The following TRA2B variants were observed in gnomAD, a reference collection of about 807,000 sequenced individuals.
TRA2B encodes the protein transformer-2 protein homolog beta.
TRA2B carries 14 observed loss-of-function variants against 41.7 expected under a neutral mutation model. That is an observed-to-expected ratio of 0.34 (90% CI 0.22 to 0.53). The LOEUF (loss-of-function observed/expected upper bound fraction) is 0.53, where lower values mean the gene tolerates loss of function less well. Among genes scored for constraint, TRA2B ranks in the 20% least tolerant of loss-of-function variants. The pLI is 0.95. For synonymous variants in TRA2B, 130 were observed against 128.8 expected (o/e 1.01, Z -0.06); for missense variants, 167 against 396.8 (o/e 0.42, Z 4.92).
chr3:185,922,230 G>GT, intron 4 of TRA2B, 104 bp from the exon 5 acceptor site: 1 of 705,018 alleles, frequency 1.4e-6, no homozygotes, highest in Non-Finnish European at 2.3e-6. Flanking sequence ...GGTGCATTAA[G>GT]TTATCTTAAT....
Position 185,923,990 on chromosome 3 carries a change from G to GAAA in TRA2B, c.334-9_334-7dup. On this transcript the variant is annotated splice_region_variant and splice_polypyrimidine_tract_variant and intron_variant, in intron 3 of 8. Coordinates refer to ENST00000453386, the MANE Select transcript of TRA2B (RefSeq NM_004593.3). Reference sequence around the variant, plus strand: ...CAGTTAGGATCAGGATTTGCCTAGGGAAAAAAAAAAGTTTTAAACTTTGGA... The same window carrying GAAA: ...CAGTTAGGATCAGGATTTGCCTAGGGAAAAAAAAAAAAAGTTTTAAACTTTGGA... 1 of 1,482,362 alleles carries GAAA rather than the reference G, an allele frequency of 6.7e-7. No individual in the cohort carries two copies. Among genetic ancestry groups the GAAA allele is most frequent in the Non-Finnish European group, 9.1e-7 (1 of 1,101,348 alleles). 91.8% of individuals were successfully genotyped at this position (1,482,362 alleles called of 1,614,324 possible).
At chr3:185,929,518 G>GA (rs1744071235) in intron 1 of TRA2B, among the ~76,000 whole-genome samples, 1 of 152,036 alleles carries the variant, frequency 6.6e-6, no homozygotes, top group African/African-American at 2.4e-5. Flanking sequence ...AAATTTCCCT[G>GA]AAAAAATGCT....
intron 1 of TRA2B, chr3:185,936,754 C>G: frequency 1.0e-6 from 1 of 985,090 alleles, no homozygotes; most frequent in Non-Finnish European, 1.2e-6. Context: ...TATCACCCTT[C>G]TAACAGATTC....
At chr3:185,936,403 G>C (rs1474965443) in intron 1 of TRA2B, 1 of 985,128 alleles carries the variant, frequency 1.0e-6, no homozygotes. Flanking sequence ...AATCGGCTTC[G>C]GGAAAAACAT....
At chr3:185,928,220 A>G in intron 1 of TRA2B, 1 of 152,222 alleles carries the variant, frequency 6.6e-6, no homozygotes, top group East Asian at 1.9e-4. Flanking sequence ...CACAGAATAG[A>G]CAAATTAAGG....
rs907963954 is a variant in TRA2B at position 185,931,942 on chromosome 3, T to C, written c.37-5208A>G. On this transcript the variant is annotated intron_variant, in intron 1 of 8. Coordinates refer to ENST00000453386, the MANE Select transcript of TRA2B (RefSeq NM_004593.3). The stretch of plus-strand genomic sequence containing the variant: ...CTGAAACTAGAAAAAAAAAATCCCT[T>C]TGTTGATTTGGATTAAAAAAAAAAA... 5.1e-6 allele frequency: 5 copies of C among 974,546 alleles called. No individual in the cohort carries two copies. In the African/African-American group the frequency reaches 5.3e-5, roughly 10 times the overall value. The allele number at this position is 974,546 out of a possible 1,614,324, so 60.4% of individuals were successfully genotyped here. A position where few individuals can be genotyped will look rare whatever the true frequency, so the allele number is the denominator to read the frequency against.
intron 2 of TRA2B, 87 bp from the exon 3 acceptor site, chr3:185,925,713 G>T: frequency 7.3e-7 from 1 of 1,365,842 alleles, no homozygotes; most frequent in Non-Finnish European, 9.8e-7. Flanking sequence ...CTCCAAAAGA[G>T]GGAACAATCC....
At position 185,937,966 on chromosome 3, in the gene TRA2B, C is replaced by A. The variant is rs1744438593; in HGVS notation, c.-106G>T. ...GCAGCCCCGCACGACGCGCCGGTCG[C>A]CCAGCCGCTCAGAGCCGAAATGCTC... On this transcript the variant is annotated 5_prime_UTR_variant, in exon 1 of 9. Transcript: ENST00000453386. 7.1e-7 allele frequency: 1 copy of A among 1,414,732 alleles called. No homozygotes were observed. Among genetic ancestry groups the A allele is most frequent in the South Asian group, 1.2e-5 (1 of 84,664 alleles). 87.6% of individuals were successfully genotyped at this position (1,414,732 alleles called of 1,614,324 possible).
chr3:185,936,080 A>T (rs1399204740), intron 1 of TRA2B: 1 of 985,312 alleles, frequency 1.0e-6, no homozygotes, highest in Admixed American at 6.1e-5. Flanking sequence ...AAAATATACT[A>T]ATGAACTCTG....
rs538781809 is a variant in TRA2B, at chr3:185,938,012, T to G, written c.-152A>C. The G allele has an allele frequency of 2.3e-5, 19 of 829,726 alleles. No homozygotes were observed. The highest frequency in any genetic ancestry group is 1.5e-4 in the South Asian group (9 of 61,856). 51.4% of individuals were successfully genotyped at this position (829,726 alleles called of 1,614,324 possible). On this transcript the variant is annotated 5_prime_UTR_variant, in exon 1 of 9. Transcript: ENST00000453386. ...TGCTCCGCACCGCCTCCGCACGGGC[T>G]CTAACTCTACCGGATGTGACGCGGC... is the stretch of plus-strand genomic sequence containing the variant.
rs977437899 is a variant in TRA2B at position 185,919,560 on chromosome 3, T to C, written c.723-64A>G. ...TGTAAGTTTTAAAAAATTATGTCATTCATTTAGTAAAATAAAAACTTTCAT... is the reference window on the plus strand; with the variant it reads ...TGTAAGTTTTAAAAAATTATGTCATCCATTTAGTAAAATAAAAACTTTCAT... On this transcript the variant is annotated intron_variant, in intron 6 of 8. Transcript: ENST00000453386. The C allele has an allele frequency of 3.8e-5, 53 of 1,387,584 alleles. No homozygotes were observed. In the African/African-American group the frequency reaches 7.0e-4, roughly 18 times the overall value. 86.0% of individuals were successfully genotyped at this position (1,387,584 alleles called of 1,614,324 possible). A position where few individuals can be genotyped will look rare whatever the true frequency, so the allele number is the denominator to read the frequency against.
chr3:185,926,566 G>C (rs1254262987), intron 2 of TRA2B, 35 bp downstream of exon 2: 1 of 1,611,668 alleles, frequency 6.2e-7, no homozygotes, highest in Non-Finnish European at 8.5e-7. Flanking sequence ...TCAGAGCTAA[G>C]AGTAACGAGG....
rs760437885 is a variant in TRA2B at position 185,921,195 on chromosome 3, G to GAA, written c.639-10_639-9dup. Reference sequence around the variant, plus strand: ...CGACGGCGAGAGCTGCCACTATGAAGAAAAAAATATTCAGGTGACCTCCCT... The same window carrying GAA: ...CGACGGCGAGAGCTGCCACTATGAAGAAAAAAAAATATTCAGGTGACCTCCCT... On this transcript the variant is annotated splice_polypyrimidine_tract_variant and intron_variant, in intron 5 of 8. Coordinates refer to ENST00000453386, the MANE Select transcript of TRA2B (RefSeq NM_004593.3). The GAA allele has an allele frequency of 2.7e-4, 443 of 1,613,412 alleles. 1 individual carries two copies. The highest frequency in any genetic ancestry group is 3.6e-4 in the Non-Finnish European group (422 of 1,179,722).
At chr3:185,931,448 G>C (rs1394862994) in intron 1 of TRA2B, 9 of 627,264 alleles carry the variant, frequency 1.4e-5, no homozygotes, top group Non-Finnish European at 1.8e-5. Context: ...GTTAAAATCA[G>C]AATTACCTAA....
rs763303083 is a variant in TRA2B, at chr3:185,926,699, G to A, written c.72C>T (p.His24=). The A allele has an allele frequency of 6.2e-6, 10 of 1,613,972 alleles. No homozygotes were observed. In the Admixed American group the frequency reaches 6.7e-5, roughly 11 times the overall value. The change falls in exon 2 of 9, where the codon CAC becomes CAT. Residue 24 remains histidine, a synonymous_variant. Coordinates refer to ENST00000453386, the MANE Select transcript of TRA2B (RefSeq NM_004593.3). The part of the protein sequence containing the change: ...SRSASRSGSA[H]GSGKSARHTP... ...TATGCCTTGCAGATTTCCCCGATCC[G>A]TGAGCACTTCCACTTCTGGAAGCAG...
intron 7 of TRA2B, among the ~76,000 whole-genome samples, chr3:185,918,735 C>T (rs142285233): frequency 3.3e-5 from 5 of 152,136 alleles, no homozygotes; most frequent in African/African-American, 7.2e-5. Flanking sequence ...TGGCTGGGTG[C>T]GGTGGCTCAA....
At chr3:185,937,404 G>A in intron 1 of TRA2B, 1 of 1,007,948 alleles carries the variant, frequency 9.9e-7, no homozygotes, top group Non-Finnish European at 1.2e-6. Context: ...TCGGGTCCGC[G>A]TTGCCGCGCG....
intron 1 of TRA2B, chr3:185,934,532 T>C: frequency 1.0e-6 from 1 of 985,374 alleles, no homozygotes; most frequent in South Asian, 4.7e-5. Flanking sequence ...AAAAAAATAT[T>C]TCAACCGGGT....
At chr3:185,927,107 T>C (rs1300486854) in intron 1 of TRA2B, 1 of 154,132 alleles carries the variant, frequency 6.5e-6, no homozygotes, top group Non-Finnish European at 1.4e-5. Flanking sequence ...TTATACCTAT[T>C]TCAATCAAGT....
Sources: allele counts gnomAD v4.1 joint callset (sites outside exome capture counted in the v4.1 genomes callset), GRCh38; gene constraint gnomAD v4.1.1; transcripts MANE v1.5; gene names NCBI Gene and HGNC (gene_info 2026-07-23, HGNC 2026-07-21).